Variants in KLF12 observed in about 807,000 individuals in gnomAD.
KLF12 encodes the protein KLF transcription factor 12.
Under a neutral mutation model 37.8 loss-of-function variants are expected in KLF12, and 9 were observed. The ratio of observed to expected loss-of-function variants is 0.24; its 90% CI spans 0.14 to 0.42. The LOEUF is 0.42. Among genes scored for constraint, KLF12 ranks in the 10% least tolerant of loss-of-function variants. The probability of loss-of-function intolerance (pLI) is 1.00; values close to 1 mark genes in which losing one functional copy is unlikely to be tolerated. For missense variants in KLF12, 411 were observed against 516.0 expected (o/e 0.80, Z 1.97); for synonymous variants, 208 against 202.1 (o/e 1.03, Z -0.25).
chr13:73,836,476 C>T (rs1269394871), intron 4 of KLF12, among the ~76,000 whole-genome samples: 1 of 152,134 alleles, frequency 6.6e-6, no homozygotes, highest in Non-Finnish European at 1.5e-5. Flanking sequence ...TTCCTTCTTT[C>T]ATTTGTTCCT....
the KLF12 span, among the ~76,000 whole-genome samples, chr13:74,264,434 T>A: frequency 6.6e-6 from 1 of 152,170 alleles, no homozygotes; most frequent in Non-Finnish European, 1.5e-5. Context: ...ACTTATCCCC[T>A]CTTCAGCTTC....
intron 5 of KLF12, among the ~76,000 whole-genome samples, chr13:73,771,891 C>T (rs747162621): frequency 1.3e-5 from 2 of 152,100 alleles, no homozygotes; most frequent in Non-Finnish European, 2.9e-5. Context: ...CAAAATTGAA[C>T]AATGGTAGGA....
intron 1 of KLF12, among the ~76,000 whole-genome samples, chr13:74,043,736 T>C (rs1893469663): frequency 6.6e-6 from 1 of 152,214 alleles, no homozygotes; most frequent in Admixed American, 6.5e-5. Context: ...ACATAATATT[T>C]ATGTGTTCAA....
intron 1 of KLF12, among the ~76,000 whole-genome samples, chr13:74,130,495 T>C (rs897043025): frequency 6.6e-6 from 1 of 152,112 alleles, no homozygotes; most frequent in African/African-American, 2.4e-5. Flanking sequence ...ACCCCGTGTC[T>C]ACAAAAAAAT....
the KLF12 span, among the ~76,000 whole-genome samples, chr13:74,280,329 C>T: frequency 6.6e-6 from 1 of 152,062 alleles, no homozygotes. Context: ...CCAGTTTTGT[C>T]CTTGCTACAC....
At chr13:73,865,878 G>A (rs1315413821) in intron 3 of KLF12, among the ~76,000 whole-genome samples, 1 of 152,170 alleles carries the variant, frequency 6.6e-6, no homozygotes, top group African/African-American at 2.4e-5. Flanking sequence ...GACAGCAGAA[G>A]GACATAGAAA....
At chr13:73,933,042 CTT>C (rs1212986423) in intron 3 of KLF12, among the ~76,000 whole-genome samples, 4 of 152,172 alleles carry the variant, frequency 2.6e-5, no homozygotes, top group Non-Finnish European at 5.9e-5. Flanking sequence ...CTGTTACTTA[CTT>C]GTTGTGTGAT....
At chr13:73,773,665 A>T (rs370772986) in intron 5 of KLF12, among the ~76,000 whole-genome samples, 5 of 152,262 alleles carry the variant, frequency 3.3e-5, no homozygotes, top group Admixed American at 1.3e-4. Flanking sequence ...GCACTATAGC[A>T]TAGTGATATT....
At chr13:74,102,761 G>T (rs550212139) in intron 1 of KLF12, among the ~76,000 whole-genome samples, 52 of 152,162 alleles carry the variant, frequency 3.4e-4, no homozygotes, top group Non-Finnish European at 5.7e-4. Flanking sequence ...TCTCAGACCT[G>T]CACACTTAAA....
At chr13:74,239,019 T>C in the KLF12 span, among the ~76,000 whole-genome samples, 7 of 150,294 alleles carry the variant, frequency 4.7e-5, no homozygotes, top group Admixed American at 6.6e-5. Flanking sequence ...TCTAGTTCTT[T>C]TACTTGTGAT....
chr13:74,229,540 A>C, the KLF12 span, among the ~76,000 whole-genome samples: 2 of 152,218 alleles, frequency 1.3e-5, no homozygotes, highest in Non-Finnish European at 2.9e-5. Context: ...CAGACTTGAA[A>C]GGGTGAGAAT....
the KLF12 span, among the ~76,000 whole-genome samples, chr13:74,275,129 A>G: frequency 1.3e-5 from 2 of 152,216 alleles, no homozygotes; most frequent in South Asian, 2.1e-4. Context: ...TGTTCAAAGC[A>G]AAGGGAACCA....
intron 1 of KLF12, among the ~76,000 whole-genome samples, chr13:74,092,580 C>T (rs1180359656): frequency 5.3e-5 from 8 of 151,360 alleles, no homozygotes; most frequent in South Asian, 2.1e-4. Context: ...GCTGAGATTG[C>T]GCCACTGCAC....
At chr13:73,858,194 G>A (rs796510077) in intron 3 of KLF12, among the ~76,000 whole-genome samples, 2 of 152,144 alleles carry the variant, frequency 1.3e-5, no homozygotes, top group African/African-American at 2.4e-5. Flanking sequence ...TCTAAAAGGG[G>A]AGCAGAGGCT....
At chr13:74,141,410 T>TA in the KLF12 span, among the ~76,000 whole-genome samples, 1 of 151,858 alleles carries the variant, frequency 6.6e-6, no homozygotes. Flanking sequence ...AACATGGAAA[T>TA]AAAATAAAAT....
chr13:74,117,204 C>A lies in KLF12; in HGVS notation c.-32+16535G>T, dbSNP rs550414904. Among the ~76,000 whole-genome samples, 7 of 152,234 alleles carry A rather than the reference C, an allele frequency of 4.6e-5. No individual in the cohort carries two copies. In the South Asian group the frequency reaches 1.5e-3, roughly 32 times the overall value. ...CAGTCCATGGTTTCTAGATATCATT[C>A]TACAATGAAATGAGAGACCCTTGAA... On this transcript the variant is annotated intron_variant, in intron 1 of 7. Transcript: ENST00000377669.
At chr13:74,006,169 G>T (rs1447407913) in intron 1 of KLF12, among the ~76,000 whole-genome samples, 1 of 151,976 alleles carries the variant, frequency 6.6e-6, no homozygotes, top group African/African-American at 2.4e-5. Flanking sequence ...CTCCCTCTCC[G>T]CCATGGTCTC....
At chr13:74,263,993 A>G in the KLF12 span, among the ~76,000 whole-genome samples, 1 of 152,164 alleles carries the variant, frequency 6.6e-6, no homozygotes, top group Non-Finnish European at 1.5e-5. Flanking sequence ...CAGATTATAT[A>G]CCAGATCTCA....
intron 2 of KLF12, among the ~76,000 whole-genome samples, chr13:73,969,436 T>C (rs1045125140): frequency 6.6e-6 from 1 of 152,216 alleles, no homozygotes; most frequent in Non-Finnish European, 1.5e-5. Context: ...TGTATACCAC[T>C]GGGATTTTTT....
Sources: allele counts gnomAD v4.1 joint callset (sites outside exome capture counted in the v4.1 genomes callset), GRCh38; gene constraint gnomAD v4.1.1; transcripts MANE v1.5; gene names NCBI Gene and HGNC (gene_info 2026-07-23, HGNC 2026-07-21).